The following OTOGL variants were observed in gnomAD, a reference collection of about 807,000 sequenced individuals.
OTOGL encodes otogelin-like protein.
Under a neutral mutation model 318.5 loss-of-function variants are expected in OTOGL, and 285 were observed. That is an observed-to-expected ratio of 0.89 (90% CI 0.81 to 0.99). The LOEUF (loss-of-function observed/expected upper bound fraction) is 0.99, where lower values mean the gene tolerates loss of function less well. OTOGL is among the 50% of genes least tolerant of loss of function. The pLI is 0.00. For missense variants in OTOGL, 2,899 were observed against 2,845.6 expected (o/e 1.02, Z -0.43); for synonymous variants, 987 against 936.5 (o/e 1.05, Z -0.99).
rs968425100 is a variant in OTOGL, at chr12:80,221,469, A to G, written c.335-622A>G. ...ATTTTAGTAGAGACGGAGTTTCACCATGTTACCCAGGCTGGTCTCAAACTC... is the reference window on the plus strand; with the variant it reads ...ATTTTAGTAGAGACGGAGTTTCACCGTGTTACCCAGGCTGGTCTCAAACTC... On this transcript the variant is annotated intron_variant, in intron 6 of 58. Transcript: ENST00000547103. 3.3e-5 allele frequency among the ~76,000 whole-genome samples: 5 copies of G among 152,026 alleles called. No individual in the cohort carries two copies. In the South Asian group the frequency reaches 6.2e-4, roughly 19 times the overall value.
At position 80,156,140 on chromosome 12, in the gene OTOGL, C is replaced by A. The variant is rs992631216; in HGVS notation, c.-19-53273C>A. Reference sequence around the variant, plus strand: ...GAGTCCGTGGACTGCGAAAGGCAGACCCTATCCTCAATCTGGATGGGCACA... The same window carrying A: ...GAGTCCGTGGACTGCGAAAGGCAGAACCTATCCTCAATCTGGATGGGCACA... On this transcript the variant is annotated intron_variant, in intron 1 of 58. Coordinates refer to ENST00000547103, the MANE Select transcript of OTOGL (RefSeq NM_001378609.3). Among the ~76,000 whole-genome samples the A allele has an allele frequency of 3.9e-5, 6 of 152,176 alleles. No homozygotes were observed. The East Asian group carries it at 1.2e-3, about 29-fold the overall frequency.
chr12:80,336,168 CTTT>C (rs200450365), intron 39 of OTOGL, 28 bp downstream of exon 39: 2,501 of 1,338,062 alleles, frequency 1.9e-3, no homozygotes, highest in South Asian at 5.3e-3. Context: ...AAGCGGTGAT[CTTT>C]TTTTTTTTTT....
In OTOGL at chr12:80,176,021, T is replaced by G. The variant is rs147515825; in HGVS notation, c.-19-33392T>G. ...ACTAACTACTCTTCGTTAAAGGAGA[T>G]AAAACCATTTCAGCTATGGATGGCT... On this transcript the variant is annotated intron_variant, in intron 1 of 58. Coordinates refer to ENST00000547103, the MANE Select transcript of OTOGL (RefSeq NM_001378609.3). Among the ~76,000 whole-genome samples the G allele has an allele frequency of 9.2e-5, 14 of 152,288 alleles. No homozygotes were observed. The East Asian group carries it at 2.7e-3, about 29-fold the overall frequency.
Position 80,237,774 on chromosome 12 carries a change from A to G in OTOGL, c.818-1077A>G, listed in dbSNP as rs1879996997. Among the ~76,000 whole-genome samples the G allele has an allele frequency of 2.6e-5, 4 of 152,214 alleles. No individual in the cohort carries two copies. In the South Asian group the frequency reaches 8.3e-4, roughly 32 times the overall value. On this transcript the variant is annotated intron_variant, in intron 9 of 58. Transcript: ENST00000547103. ...AAGTCTCTCATCTTCCCGGCGTTTGATAGTGGAATGCACACATTATTTTTC... is the reference window on the plus strand; with the variant it reads ...AAGTCTCTCATCTTCCCGGCGTTTGGTAGTGGAATGCACACATTATTTTTC...
intron 1 of OTOGL, among the ~76,000 whole-genome samples, chr12:80,186,799 TGC>T (rs1201576066): frequency 6.6e-6 from 1 of 152,132 alleles, no homozygotes; most frequent in Non-Finnish European, 1.5e-5. Flanking sequence ...TTTGAAGTTT[TGC>T]TTCCTGTGAA....
In OTOGL at chr12:80,155,484, T is replaced by C. The variant is rs543990582; in HGVS notation, c.-19-53929T>C. Among the ~76,000 whole-genome samples the C allele has an allele frequency of 7.2e-5, 11 of 152,306 alleles. No homozygotes were observed. The South Asian group carries it at 2.3e-3, about 32-fold the overall frequency. On this transcript the variant is annotated intron_variant, in intron 1 of 58. Transcript: ENST00000547103. ...TTTTTTAATTTTTAATTTTTGTGGG[T>C]ACATGGTGTATATATTACATATTGC... is the stretch of plus-strand genomic sequence containing the variant.
rs138534441 is a variant in OTOGL, at chr12:80,180,833, G to T, written c.-19-28580G>T. ...GTGCCATGAGCTTGTATAAGGTTAT[G>T]TATGGGTCAATGATCCATCCCCTTT... On this transcript the variant is annotated intron_variant, in intron 1 of 58. Transcript: ENST00000547103. Among the ~76,000 whole-genome samples, 274 of 152,226 alleles carry T rather than the reference G, an allele frequency of 1.8e-3. 2 individuals are homozygous for T. The highest frequency in any genetic ancestry group is 6.4e-3 in the African/African-American group (268 of 41,552).
At chr12:80,354,234 T>C (rs1889737923) in intron 46 of OTOGL, among the ~76,000 whole-genome samples, 1 of 152,224 alleles carries the variant, frequency 6.6e-6, no homozygotes, top group Non-Finnish European at 1.5e-5. Context: ...TTCCTCTTCA[T>C]ATTTTATTCC....
intron 8 of OTOGL, among the ~76,000 whole-genome samples, chr12:80,231,246 C>A (rs1879331722): frequency 6.6e-6 from 1 of 152,078 alleles, no homozygotes; most frequent in Non-Finnish European, 1.5e-5. Flanking sequence ...TTCATATTGA[C>A]TTTTACTATG....
At chr12:80,300,674 GAA>G (rs544423376) in intron 27 of OTOGL, among the ~76,000 whole-genome samples, 4 of 152,166 alleles carry the variant, frequency 2.6e-5, no homozygotes, top group Non-Finnish European at 5.9e-5. Flanking sequence ...TCTTGAGGAT[GAA>G]AGTTCTACTG....
At chr12:80,163,027 A>C (rs538907728) in intron 1 of OTOGL, among the ~76,000 whole-genome samples, 78 of 152,218 alleles carry the variant, frequency 5.1e-4, no homozygotes, top group African/African-American at 1.8e-3. Context: ...GACTAAAGAT[A>C]TTCTTTCCAA....
At chr12:80,345,548 A>AT (rs1166254296) in intron 44 of OTOGL, among the ~76,000 whole-genome samples, 1 of 152,050 alleles carries the variant, frequency 6.6e-6, no homozygotes, top group African/African-American at 2.4e-5. Context: ...TGGCTATAAT[A>AT]TTTTTACAGT....
chr12:80,301,942 G>A (rs905506790), intron 27 of OTOGL, among the ~76,000 whole-genome samples: 3 of 152,186 alleles, frequency 2.0e-5, no homozygotes, highest in African/African-American at 7.2e-5. Context: ...AGTTTAATGT[G>A]CAGCAGCAAA....
intron 9 of OTOGL, among the ~76,000 whole-genome samples, chr12:80,236,252 G>A (rs1879835611): frequency 6.6e-6 from 1 of 152,044 alleles, no homozygotes; most frequent in African/African-American, 2.4e-5. Flanking sequence ...TAGAAGTCCT[G>A]GTCTACTTTC....
At chr12:80,367,966 C>T (rs1202366539) in intron 54 of OTOGL, among the ~76,000 whole-genome samples, 1 of 152,050 alleles carries the variant, frequency 6.6e-6, no homozygotes, top group Non-Finnish European at 1.5e-5. Context: ...GTTGCCTTAC[C>T]TGAGGTTGTT....
intron 44 of OTOGL, among the ~76,000 whole-genome samples, chr12:80,342,834 T>A (rs1424351167): frequency 1.3e-5 from 2 of 152,024 alleles, no homozygotes; most frequent in African/African-American, 4.8e-5. Flanking sequence ...ATTATAGAGG[T>A]ACACAGGATC....
chr12:80,284,315 T>A (rs1396321978), intron 26 of OTOGL, among the ~76,000 whole-genome samples: 1 of 152,178 alleles, frequency 6.6e-6, no homozygotes, highest in Non-Finnish European at 1.5e-5. Flanking sequence ...TCTTTTCTAT[T>A]GTGAATAGTG....
At position 80,320,655 on chromosome 12, in the gene OTOGL, G is replaced by GATGATT. The variant is rs1887274232; in HGVS notation, c.4037_4042dup (p.Asp1347_Ser1348insTyrAsp). ...TTCTAGTGTCAAAGCATCAAAATAT[G>GATGATT]ATGATTCTGAAGAATTTAAACATTC... On this transcript the variant is annotated inframe_insertion, in exon 34 of 59. Coordinates refer to ENST00000547103, the MANE Select transcript of OTOGL (RefSeq NM_001378609.3). The GATGATT allele has an allele frequency of 6.2e-7, 1 of 1,607,884 alleles. No homozygotes were observed. Among genetic ancestry groups the GATGATT allele is most frequent in the African/African-American group, 1.3e-5 (1 of 74,820 alleles).
At chr12:80,224,131 C>T (rs1440482754) in intron 7 of OTOGL, among the ~76,000 whole-genome samples, 1 of 152,148 alleles carries the variant, frequency 6.6e-6, no homozygotes, top group Non-Finnish European at 1.5e-5. Context: ...GATCCAGTTT[C>T]ATTCTTCTGC....
Sources: gnomAD v4.1 joint callset for allele counts (sites outside exome capture counted in the v4.1 genomes callset) on GRCh38, gnomAD v4.1.1 for gene constraint, MANE v1.5 for transcripts, NCBI Gene and HGNC (gene_info 2026-07-23, HGNC 2026-07-21) for gene names.